The following UBE3C variants were observed in gnomAD, a reference collection of about 807,000 sequenced individuals.
The protein encoded by UBE3C is ubiquitin protein ligase E3C.
UBE3C carries 42 observed loss-of-function variants against 129.4 expected under a neutral mutation model. The observed-to-expected ratio is 0.32, with a 90% CI of 0.25 to 0.42. The LOEUF is 0.42. UBE3C is among the 10% of genes least tolerant of loss of function. UBE3C has a pLI of 1.00. For synonymous variants in UBE3C, 510 were observed against 492.4 expected, an observed-to-expected ratio of 1.04 and a Z score of -0.47; for missense variants, 1,049 against 1,319.1, an observed-to-expected ratio of 0.80 and a Z score of 3.17.
Position 157,192,557 on chromosome 7 carries a change from G to A in UBE3C, c.1331+5536G>A. The stretch of plus-strand genomic sequence containing the variant: ...TGTCTGACTACAACATTCAAAAGGA[G>A]CTTACTCTTCATCTTGTGTTGAGAC... On this transcript the variant is annotated intron_variant, in intron 10 of 22. Transcript: ENST00000348165. 5.2e-6 allele frequency: 4 copies of A among 765,254 alleles called. No homozygotes were observed. In the East Asian group the frequency reaches 7.3e-5, roughly 14 times the overall value. The allele number at this position is 765,254 out of a possible 1,614,324, so 47.4% of individuals were successfully genotyped here. A position where few individuals can be genotyped will look rare whatever the true frequency, so the allele number is the denominator to read the frequency against.
intron 2 of UBE3C, among the ~76,000 whole-genome samples, chr7:157,164,817 G>A (rs1328818751): frequency 6.6e-6 from 1 of 152,128 alleles, no homozygotes; most frequent in Non-Finnish European, 1.5e-5. Context: ...ATGCTGAGGT[G>A]GTGACAAAAC....
Position 157,224,792 on chromosome 7 carries a change from ACT to A in UBE3C, c.2101-595_2101-594del, listed in dbSNP as rs56922114. ...CACGTGCGTACACACACACACACAC[ACT>A]CTCTCTCTCTCTCTCTCTCCCACTC... On this transcript the variant is annotated intron_variant, in intron 16 of 22. Coordinates refer to ENST00000348165, the MANE Select transcript of UBE3C (RefSeq NM_014671.3). Among the ~76,000 whole-genome samples, 1,198 of 139,238 alleles carry A rather than the reference ACT, an allele frequency of 8.6e-3. 25 individuals are homozygous for A. The highest frequency in any genetic ancestry group is 0.03 in the African/African-American group (1,093 of 36,394). The allele number at this position is 139,238 out of a possible 152,430, so 91.3% of individuals were successfully genotyped here. A position where few individuals can be genotyped will look rare whatever the true frequency, so the allele number is the denominator to read the frequency against.
chr7:157,242,860 G>C (rs745577981), intron 18 of UBE3C, among the ~76,000 whole-genome samples: 1 of 152,014 alleles, frequency 6.6e-6, no homozygotes, highest in Admixed American at 6.6e-5. Flanking sequence ...TTCTAGACCA[G>C]CCTGACCAAC....
At chr7:157,237,334 A>C (rs977127920) in intron 18 of UBE3C, among the ~76,000 whole-genome samples, 5 of 151,754 alleles carry the variant, frequency 3.3e-5, no homozygotes, top group Admixed American at 6.6e-5. Flanking sequence ...CCAGCTACTC[A>C]GGAGGCTGAG....
chr7:157,182,904 A>G (rs1175934762), intron 8 of UBE3C, among the ~76,000 whole-genome samples: 2 of 152,058 alleles, frequency 1.3e-5, no homozygotes, highest in Non-Finnish European at 2.9e-5. Flanking sequence ...GCACGCCACC[A>G]CACCCAGCTA....
rs1400921660 is a variant in UBE3C at position 157,254,005 on chromosome 7, C to T, written c.2746C>T (p.Arg916Trp). 1 of 1,610,522 alleles carries T rather than the reference C, an allele frequency of 6.2e-7. No homozygotes were observed. Among genetic ancestry groups the T allele is most frequent in the Non-Finnish European group, 8.5e-7 (1 of 1,178,172 alleles). The change falls in exon 20 of 23, where the codon CGG becomes TGG. Residue 916 changes from arginine (R) to tryptophan (W), a missense_variant. Coordinates refer to ENST00000348165, the MANE Select transcript of UBE3C (RefSeq NM_014671.3). Reference sequence around the variant, plus strand: ...AGACATCCCTGTCACCAGCGCCAACCGGATTGCGTACATCCACTTGGTGGC... The same window carrying T: ...AGACATCCCTGTCACCAGCGCCAACTGGATTGCGTACATCCACTTGGTGGC... ...GKDIPVTSANRIAYIHLVADY... is the reference protein window; with the variant it reads ...GKDIPVTSANWIAYIHLVADY...
At chr7:157,182,466 G>A in intron 8 of UBE3C, 138 bp downstream of exon 8, 1 of 821,682 alleles carries the variant, frequency 1.2e-6, no homozygotes, top group East Asian at 2.7e-5. Flanking sequence ...GGAGGGATGT[G>A]GTCTGGGCAG....
chr7:157,238,300 C>T (rs372403358), intron 18 of UBE3C, among the ~76,000 whole-genome samples: 4 of 152,040 alleles, frequency 2.6e-5, no homozygotes, highest in Admixed American at 6.6e-5. Flanking sequence ...CAGCAGAATC[C>T]GGCCTGTGTT....
chr7:157,181,616 G>C lies in UBE3C; in HGVS notation c.715G>C (p.Glu239Gln), dbSNP rs1808668481. ...AGTTCCTATAGCAAAAATTTTGCTAGAGAATGTTCTAAAACCATTGCACTT... is the reference window on the plus strand; with the variant it reads ...AGTTCCTATAGCAAAAATTTTGCTACAGAATGTTCTAAAACCATTGCACTT... ...SRVPIAKILLENVLKPLHFTY... is the reference protein window; with the variant it reads ...SRVPIAKILLQNVLKPLHFTY... The change falls in exon 7 of 23, where the codon GAG becomes CAG. Residue 239 changes from glutamate (E) to glutamine (Q), a missense_variant. Around this residue, in one of 4 missense-constraint regions of UBE3C, gnomAD observed 489 missense variants for 513.8 expected, o/e 0.95. Transcript: ENST00000348165. 3 of 1,613,804 alleles carry C rather than the reference G, an allele frequency of 1.9e-6. No individual in the cohort carries two copies. The highest frequency in any genetic ancestry group is 1.3e-5 in the African/African-American group (1 of 75,034).
At chr7:157,262,087 T>C (rs1796930766) in intron 22 of UBE3C, among the ~76,000 whole-genome samples, 1 of 152,194 alleles carries the variant, frequency 6.6e-6, no homozygotes, top group Non-Finnish European at 1.5e-5. Context: ...ACTGACCCCT[T>C]CATTCAGAGA....
At chr7:157,157,591 T>G (rs1295455724) in intron 1 of UBE3C, among the ~76,000 whole-genome samples, 3 of 151,928 alleles carry the variant, frequency 2.0e-5, no homozygotes, top group Non-Finnish European at 4.4e-5. Context: ...AAATTTAACC[T>G]GCAGACATTA....
At chr7:157,158,851 T>C (rs547350482) in intron 1 of UBE3C, among the ~76,000 whole-genome samples, 2 of 152,300 alleles carry the variant, frequency 1.3e-5, no homozygotes, top group South Asian at 2.1e-4. Context: ...TCCAAGTGTG[T>C]TGAATGGTAA....
At chr7:157,148,759 GAC>G (rs1396898355) in intron 1 of UBE3C, among the ~76,000 whole-genome samples, 1 of 135,510 alleles carries the variant, frequency 7.4e-6, no homozygotes, top group Admixed American at 7.7e-5. Context: ...TCCTTTAAGA[GAC>G]AGGGCCTCAC....
Position 157,163,792 on chromosome 7 carries a change from TTC to T in UBE3C, c.67-14_67-13del. 3 of 1,607,254 alleles carry T rather than the reference TTC, an allele frequency of 1.9e-6. No individual in the cohort carries two copies. Among genetic ancestry groups the T allele is most frequent in the Non-Finnish European group, 2.5e-6 (3 of 1,178,126 alleles). On this transcript the variant is annotated splice_polypyrimidine_tract_variant and intron_variant, in intron 1 of 22. Coordinates refer to ENST00000348165, the MANE Select transcript of UBE3C (RefSeq NM_014671.3). ...TGAAATTATAACCTTACCTCCTTTT[TTC>T]TCTGTTTGGGTGTAGGAGGAAAAGG...
chr7:157,214,219 G>A (rs185503186), intron 13 of UBE3C, among the ~76,000 whole-genome samples: 3 of 152,162 alleles, frequency 2.0e-5, no homozygotes, highest in East Asian at 3.8e-4. Flanking sequence ...TATGAAAGAG[G>A]ATACACTATA....
chr7:157,197,562 A>G (rs951657079), intron 10 of UBE3C: 10 of 1,373,574 alleles, frequency 7.3e-6, no homozygotes, highest in Non-Finnish European at 1.0e-5. Context: ...ACGACACATC[A>G]TCTGTTCCCA....
Position 157,139,474 on chromosome 7 carries a change from A to G in UBE3C, c.66+136A>G. On this transcript the variant is annotated intron_variant, in intron 1 of 22. Transcript: ENST00000348165. Reference sequence around the variant, plus strand: ...TGGATTCGGGGCCTCCCTGGCGGGGACTCGGGGCTTCCTCGCCGGATCTCG... The same window carrying G: ...TGGATTCGGGGCCTCCCTGGCGGGGGCTCGGGGCTTCCTCGCCGGATCTCG... 50 of 723,478 alleles carry G rather than the reference A, an allele frequency of 6.9e-5. No individual in the cohort carries two copies. The South Asian group carries it at 7.9e-4, about 11-fold the overall frequency. The allele number at this position is 723,478 out of a possible 1,614,324, so 44.8% of individuals were successfully genotyped here.
chr7:157,257,645 G>A (rs761498083), intron 22 of UBE3C, among the ~76,000 whole-genome samples: 4 of 148,826 alleles, frequency 2.7e-5, no homozygotes, highest in Admixed American at 2.1e-4. Flanking sequence ...GCTGAGGCAC[G>A]AGAATTGCTT....
rs143689227 is a variant in UBE3C, at chr7:157,248,781, C to T, written c.2694+201C>T. On this transcript the variant is annotated intron_variant, in intron 19 of 22. Coordinates refer to ENST00000348165, the MANE Select transcript of UBE3C (RefSeq NM_014671.3). The stretch of plus-strand genomic sequence containing the variant: ...GAGCTGAGTGCAGTTCCTGCTCCCA[C>T]GCATGAAGCCTGTTCCTGCCCGGCA... Among the ~76,000 whole-genome samples the T allele has an allele frequency of 2.8e-3, 431 of 152,364 alleles. 4 individuals are homozygous for T. Among genetic ancestry groups the T allele is most frequent in the African/African-American group, 9.9e-3 (411 of 41,580 alleles).
Sources: allele counts gnomAD v4.1 joint callset (sites outside exome capture counted in the v4.1 genomes callset), GRCh38; gene constraint gnomAD v4.1.1; regional missense constraint gnomAD v4.1.1; transcripts MANE v1.5; gene names NCBI Gene and HGNC (gene_info 2026-07-23, HGNC 2026-07-21).